Variants in FXYD5 observed in about 807,000 individuals in gnomAD.
FXYD5 encodes FXYD domain containing ion transport regulator 5, also known as FXYD domain-containing ion transport regulator 5.
In FXYD5, 21 loss-of-function variants were observed where a neutral mutation model predicts 25.7. The observed-to-expected ratio is 0.82, with a 90% CI of 0.58 to 1.18. FXYD5 has a LOEUF of 1.18. Among genes scored for constraint, FXYD5 ranks in the 50% most tolerant of loss-of-function variants. The pLI is 0.00. For missense variants in FXYD5, 229 were observed against 227.7 expected, an observed-to-expected ratio of 1.01 and a Z score of -0.04; for synonymous variants, 101 against 90.7, an observed-to-expected ratio of 1.11 and a Z score of -0.64.
At chr19:35,168,075 T>TA (rs34038258) in intron 8 of FXYD5, among the ~76,000 whole-genome samples, 74 of 145,918 alleles carry the variant, frequency 5.1e-4, no homozygotes, top group South Asian at 1.3e-3. Context: ...TTTTTTTACT[T>TA]AAAAAAAAAA....
intron 4 of FXYD5, 30 bp downstream of exon 4, chr19:35,158,430 C>T: frequency 7.3e-7 from 1 of 1,363,794 alleles, no homozygotes. Flanking sequence ...GCGGCGGGGA[C>T]AGGACCAAGA....
chr19:35,159,621 TTCC>T, intron 4 of FXYD5: 1 of 1,550,178 alleles, frequency 6.5e-7, no homozygotes, highest in Admixed American at 2.0e-5. Flanking sequence ...ACTTTGTCCC[TTCC>T]TCCTTGAGCA....
At chr19:35,163,508 G>C (rs1306230537) in intron 5 of FXYD5, among the ~76,000 whole-genome samples, 1 of 151,838 alleles carries the variant, frequency 6.6e-6, no homozygotes, top group East Asian at 1.9e-4. Flanking sequence ...TTGAGACAGA[G>C]TGTTGCTCTG....
rs991890525 is a variant in FXYD5, at chr19:35,157,352, G to A, written c.62-69G>A. ...AGGACCCCTAAGGTTTCACCAGGGA[G>A]GCGAGGGCGGGGGTGGTGAGAGGAG... On this transcript the variant is annotated intron_variant, in intron 2 of 8. Transcript: ENST00000392219. 3.8e-6 allele frequency: 3 copies of A among 790,496 alleles called. No homozygotes were observed. In the Admixed American group the frequency reaches 5.6e-5, roughly 15 times the overall value. The allele number at this position is 790,496 out of a possible 1,614,324, so 49.0% of individuals were successfully genotyped here.
chr19:35,158,399 T>C lies in FXYD5; in HGVS notation c.198T>C (p.Asp66=), dbSNP rs907322436. 3.8e-6 allele frequency: 6 copies of C among 1,580,858 alleles called. No individual in the cohort carries two copies. Among genetic ancestry groups the C allele is most frequent in the Non-Finnish European group, 5.2e-6 (6 of 1,150,114 alleles). The part of the protein sequence containing the change: ...PTSPTPTWPA[D]ETPQPQTQTQ... ...CTCCAACCCCAACCTGGCCTGCTGA[T>C]GGTGAGTAGTGCAGGGGCAGGCGGC... Residue 66 remains aspartate (D), a splice_region_variant and synonymous_variant, in exon 4 of 9, where the codon GAT becomes GAC. Transcript: ENST00000392219.
intron 6 of FXYD5, among the ~76,000 whole-genome samples, chr19:35,164,844 AAG>A (rs1252675239): frequency 3.9e-5 from 6 of 152,362 alleles, no homozygotes; most frequent in Admixed American, 6.5e-5. Context: ...TTCTAGTGGT[AAG>A]AGAAACACAA....
At chr19:35,158,081 C>G (rs1443298455) in intron 3 of FXYD5, among the ~76,000 whole-genome samples, 2 of 152,152 alleles carry the variant, frequency 1.3e-5, no homozygotes, top group African/African-American at 2.4e-5. Flanking sequence ...GGCAGCACTT[C>G]TCAGAGTCTT....
intron 2 of FXYD5, among the ~76,000 whole-genome samples, chr19:35,155,894 C>T (rs773710200): frequency 3.3e-5 from 5 of 152,184 alleles, no homozygotes; most frequent in South Asian, 2.1e-4. Context: ...TTTCATTTGG[C>T]GGGGAGATTG....
rs1421294055 is a variant in FXYD5, at chr19:35,157,411, G to A, written c.62-10G>A. 3 of 1,527,926 alleles carry A rather than the reference G, an allele frequency of 2.0e-6. No individual in the cohort carries two copies. Among genetic ancestry groups the A allele is most frequent in the Middle Eastern group, 1.7e-4 (1 of 5,898 alleles). The allele number at this position is 1,527,926 out of a possible 1,614,324, so 94.6% of individuals were successfully genotyped here. On this transcript the variant is annotated splice_polypyrimidine_tract_variant and intron_variant, in intron 2 of 8. Transcript: ENST00000392219. ...GGCTCCCTCCTGACTTCTCATCCTT[G>A]ATTCCCCAGGACAGACGTTGAAAGA... is the stretch of plus-strand genomic sequence containing the variant.
intron 8 of FXYD5, among the ~76,000 whole-genome samples, chr19:35,167,613 T>G (rs2145431437): frequency 6.6e-6 from 1 of 152,344 alleles, no homozygotes; most frequent in Middle Eastern, 3.4e-3. Flanking sequence ...ACACGAGCTA[T>G]CAGTTAATCT....
At chr19:35,160,914 A>C in intron 5 of FXYD5, 113 bp downstream of exon 5, 1 of 674,956 alleles carries the variant, frequency 1.5e-6, no homozygotes. Context: ...TTGTTAATAC[A>C]TTTAAAAAAA....
chr19:35,165,082 CT>C (rs150686717), intron 6 of FXYD5, among the ~76,000 whole-genome samples: 13,482 of 152,140 alleles, frequency 0.089, 748 homozygotes, highest in East Asian at 0.26. Context: ...TGGGCATTTC[CT>C]TTCGGTGTCA....
intron 5 of FXYD5, 136 bp from the exon 6 acceptor site, chr19:35,164,020 G>A (rs773490061): frequency 6.5e-7 from 1 of 1,534,018 alleles, no homozygotes; most frequent in Non-Finnish European, 8.8e-7. Context: ...GTGGAGTAGG[G>A]GGGATGCCTG....
Position 35,154,819 on chromosome 19 carries a change from T to C in FXYD5, c.-1+10T>C. The C allele has an allele frequency of 6.5e-6, 1 of 153,994 alleles. No homozygotes were observed. Among genetic ancestry groups the C allele is most frequent in the Non-Finnish European group, 1.4e-5 (1 of 69,168 alleles). 9.5% of individuals were successfully genotyped at this position (153,994 alleles called of 1,614,324 possible). On this transcript the variant is annotated intron_variant, in intron 1 of 8. Coordinates refer to ENST00000392219, the MANE Select transcript of FXYD5 (RefSeq NM_014164.6). ...GACCCCCAGCTCCGACGTAAGTCCCTCTCGTGCGCCACCTCCATCCGCTGC... is the reference window on the plus strand; with the variant it reads ...GACCCCCAGCTCCGACGTAAGTCCCCCTCGTGCGCCACCTCCATCCGCTGC...
At chr19:35,159,696 T>G in intron 4 of FXYD5, 1 of 1,496,996 alleles carries the variant, frequency 6.7e-7, no homozygotes. Context: ...TTGCGTATGT[T>G]AACTCATTCA....
Position 35,164,289 on chromosome 19 carries a change from T to C in FXYD5, c.382+44T>C, listed in dbSNP as rs747895809. On this transcript the variant is annotated intron_variant, in intron 6 of 8. Coordinates refer to ENST00000392219, the MANE Select transcript of FXYD5 (RefSeq NM_014164.6). Reference sequence around the variant, plus strand: ...AGACTGGAAACAGGCTATTTTCTGTTCACTGTGTATTTCCAGCACCTGGAG... The same window carrying C: ...AGACTGGAAACAGGCTATTTTCTGTCCACTGTGTATTTCCAGCACCTGGAG... 4.5e-6 allele frequency: 7 copies of C among 1,564,058 alleles called. No homozygotes were observed. The African/African-American group carries it at 9.5e-5, about 21-fold the overall frequency.
chr19:35,161,221 A>AACACACACAC (rs147168736), intron 5 of FXYD5, among the ~76,000 whole-genome samples: 246 of 38,240 alleles, frequency 6.4e-3, no homozygotes, highest in Middle Eastern at 0.024. Flanking sequence ...ATTCACCTTA[A>AACACACACAC]ACACACACAC....
At chr19:35,165,679 G>A (rs1381466383) in intron 6 of FXYD5, among the ~76,000 whole-genome samples, 2 of 152,114 alleles carry the variant, frequency 1.3e-5, no homozygotes, top group Non-Finnish European at 2.9e-5. Flanking sequence ...CCCTATTCGA[G>A]ATGGAGTTGC....
intron 8 of FXYD5, among the ~76,000 whole-genome samples, chr19:35,168,246 G>A (rs970813187): frequency 6.6e-6 from 1 of 152,126 alleles, no homozygotes; most frequent in African/African-American, 2.4e-5. Context: ...AAGCAGCCCT[G>A]GTCCCTGTCC....
Sources: allele counts gnomAD v4.1 joint callset (sites outside exome capture counted in the v4.1 genomes callset), GRCh38; gene constraint gnomAD v4.1.1; transcripts MANE v1.5; gene names NCBI Gene and HGNC (gene_info 2026-07-23, HGNC 2026-07-21).